CDSN: variants seen among roughly 807,000 people sequenced by gnomAD.
The protein encoded by CDSN is S protein.
Under a neutral mutation model 25.6 loss-of-function variants are expected in CDSN, and 11 were observed. That is an observed-to-expected ratio of 0.43 (90% CI 0.27 to 0.71). CDSN has a LOEUF of 0.71. CDSN is among the 30% of genes least tolerant of loss of function. The pLI, the probability that CDSN is intolerant of heterozygous loss-of-function variation, is 0.20. For missense variants in CDSN, 598 were observed against 670.9 expected (o/e 0.89, Z 1.20); for synonymous variants, 266 against 267.4 (o/e 0.99, Z 0.05).
rs201665595 is a variant in CDSN, at chr6:31,118,837, C to CTTTTTTTTTTTTTTTTTTTTTTT, written c.86-1309_86-1308insAAAAAAAAAAAAAAAAAAAAAAA. 5.4e-5 allele frequency: 5 copies of CTTTTTTTTTTTTTTTTTTTTTTT among 92,454 alleles called. 1 individual carries two copies. The highest frequency in any genetic ancestry group is 9.1e-5 in the African/African-American group (2 of 22,024). 5.7% of individuals were successfully genotyped at this position (92,454 alleles called of 1,614,324 possible). On this transcript the variant is annotated intron_variant, in intron 1 of 1. Transcript: ENST00000376288. ...ATCATCCACCTGGAAGTTTTTTCTT[C>CTTTTTTTTTTTTTTTTTTTTTTT]TTCTTCTTTTTTTTTTTTTTTTTTG...
In CDSN at chr6:31,116,542, G is replaced by A; in HGVS notation, c.1073C>T (p.Pro358Leu). The A allele has an allele frequency of 3.1e-6, 5 of 1,613,910 alleles. No homozygotes were observed. The highest frequency in any genetic ancestry group is 4.2e-6 in the Non-Finnish European group (5 of 1,179,964). Residue 358 changes from proline (P) to leucine (L), a missense_variant, in exon 2 of 2, where the codon CCC becomes CTC. Physicochemically the swap from Pro to Leu is moderately conservative, Grantham distance 98. Transcript: ENST00000376288. ...GKYFSSNPII[P>L]SQSAASSAIA... ...GGCCGAGGAAGCTGCCGACTGGCTG[G>A]GGATGATGGGGTTGCTGGAGAAGTA...
chr6:31,116,497 C>T lies in CDSN; in HGVS notation c.1118G>A (p.Gly373Glu). The T allele has an allele frequency of 1.6e-5, 25 of 1,609,884 alleles. No individual in the cohort carries two copies. Among genetic ancestry groups the T allele is most frequent in the Non-Finnish European group, 2.1e-5 (25 of 1,178,050 alleles). ...ASSAIAFQPV[G>E]TGGVQLCGGG... ...TCCACAGAGCTGGACCCCACCAGTC[C>T]CCACTGGCTGGAATGCAATGGCCGA... The change falls in exon 2 of 2, where the codon GGG becomes GAG. Residue 373 changes from glycine to glutamate, a missense_variant. Transcript: ENST00000376288.
rs144778683 is a variant in CDSN, at chr6:31,115,872, C to G, written c.*153G>C. ...GGAAGGGGTGATAAGAGAGAGTCTG[C>G]AACCTTGGGGTAGTGGAGAAAGCAG... On this transcript the variant is annotated 3_prime_UTR_variant, in exon 2 of 2. Coordinates refer to ENST00000376288, the MANE Select transcript of CDSN (RefSeq NM_001264.5). The surrounding 1 kb of genome is among the most constrained non-coding windows in gnomAD (Gnocchi z 4.2). The G allele has an allele frequency of 4.6e-4, 303 of 656,148 alleles. 3 individuals carry two copies. The highest frequency in any genetic ancestry group is 4.3e-3 in the African/African-American group (236 of 55,348). The allele number at this position is 656,148 out of a possible 1,614,324, so 40.6% of individuals were successfully genotyped here. A position where few individuals can be genotyped will look rare whatever the true frequency, so the allele number is the denominator to read the frequency against.
rs377342864 is a variant in CDSN, at chr6:31,115,978, T to A, written c.*47A>T. 2.0e-6 allele frequency: 3 copies of A among 1,521,688 alleles called. No individual in the cohort carries two copies. Among genetic ancestry groups the A allele is most frequent in the Non-Finnish European group, 9.1e-7 (1 of 1,099,704 alleles). 94.3% of individuals were successfully genotyped at this position (1,521,688 alleles called of 1,614,324 possible). A position where few individuals can be genotyped will look rare whatever the true frequency, so the allele number is the denominator to read the frequency against. On this transcript the variant is annotated 3_prime_UTR_variant, in exon 2 of 2. Transcript: ENST00000376288. The surrounding 1 kb of genome is among the most constrained non-coding windows in gnomAD (Gnocchi z 4.2). ...CTTCTCCCATATGGGATATAGTGTA[T>A]GTGCTTGTTTGTGCCCAAGGCATGC...
chr6:31,116,952 G>A lies in CDSN; in HGVS notation c.663C>T (p.Asp221=). The A allele has an allele frequency of 1.2e-6, 2 of 1,614,232 alleles. No homozygotes were observed. The highest frequency in any genetic ancestry group is 2.2e-5 in the East Asian group (1 of 44,886). Residue 221 remains aspartate, a synonymous_variant, in exon 2 of 2, where the codon GAC becomes GAT. Coordinates refer to ENST00000376288, the MANE Select transcript of CDSN (RefSeq NM_001264.5). ...CTCCACTGCAGGGAGAGTCGGGGAT[G>A]TCCGAACTACAGGGACGCTGGTTGG... The part of the protein sequence containing the change: ...VSSNQRPCSS[D]IPDSPCSGGP...
In CDSN at chr6:31,117,227, C is replaced by A. The variant is rs199588644; in HGVS notation, c.388G>T (p.Gly130Cys). 3.1e-6 allele frequency: 5 copies of A among 1,613,468 alleles called. No homozygotes were observed. The highest frequency in any genetic ancestry group is 1.7e-5 in the Admixed American group (1 of 59,988). The change falls in exon 2 of 2, where the codon GGT (glycine) becomes TGT (cysteine). Residue 130 changes from glycine (G) to cysteine (C), a missense_variant. Gly to Cys is a radical substitution (Grantham distance 159). Transcript: ENST00000376288. The stretch of plus-strand genomic sequence containing the variant: ...CTGCTGCTCCCCAGCTGGGAGGAAC[C>A]GGATGCACCTTGTAGACTAGAGCCA... Reference protein sequence around the residue: ...GSGSSLQGASGSSQLGSSSSH... With the variant: ...GSGSSLQGASCSSQLGSSSSH...
chr6:31,117,929 T>G, intron 1 of CDSN: 1 of 187,740 alleles, frequency 5.3e-6, no homozygotes, highest in Non-Finnish European at 1.1e-5. Flanking sequence ...ACCCCGTCTG[T>G]ATTTTGTTTT....
chr6:31,116,603 A>G lies in CDSN; in HGVS notation c.1012T>C (p.Ser338Pro). ...NPVKGSPGVP[S>P]FAAGPPISEG... ...GAGATGGGGGGCCCAGCTGCAAAGG[A>G]AGGGACCCCTGGAGAGCCTTTCACA... The change falls in exon 2 of 2, where the codon TCC becomes CCC. Residue 338 changes from serine to proline, a missense_variant. Ser to Pro is a moderately conservative substitution (Grantham distance 74). Transcript: ENST00000376288. 6.2e-7 allele frequency: 1 copy of G among 1,613,494 alleles called. No homozygotes were observed. The highest frequency in any genetic ancestry group is 2.2e-5 in the East Asian group (1 of 44,864).
rs117764398 is a variant in CDSN, at chr6:31,116,946, G to C, written c.669C>G (p.Pro223=). 1.9e-6 allele frequency: 3 copies of C among 1,614,170 alleles called. No homozygotes were observed. Among genetic ancestry groups the C allele is most frequent in the Non-Finnish European group, 2.5e-6 (3 of 1,180,026 alleles). The change falls in exon 2 of 2, where the codon CCC becomes CCG. Residue 223 remains proline (P), a synonymous_variant. Transcript: ENST00000376288. ...SNQRPCSSDI[P]DSPCSGGPIV... is the part of the protein sequence containing the mutation. ...TGGGCCCTCCACTGCAGGGAGAGTC[G>C]GGGATGTCCGAACTACAGGGACGCT...
At position 31,116,981 on chromosome 6, in the gene CDSN, T is replaced by C; in HGVS notation, c.634A>G (p.Ser212Gly). 1 of 1,614,188 alleles carries C rather than the reference T, an allele frequency of 6.2e-7. No homozygotes were observed. The highest frequency in any genetic ancestry group is 1.1e-5 in the South Asian group (1 of 91,088). The change falls in exon 2 of 2, where the codon AGC becomes GGC. Residue 212 changes from serine to glycine, a missense_variant. Ser to Gly is a moderately conservative substitution (Grantham distance 56). Transcript: ENST00000376288. ...GAACTACAGGGACGCTGGTTGGAGCTGACGCTTTGGCCACTGCTGGATACC... is the reference window on the plus strand; with the variant it reads ...GAACTACAGGGACGCTGGTTGGAGCCGACGCTTTGGCCACTGCTGGATACC... ...FGVSSSGQSV[S>G]SNQRPCSSDI...
chr6:31,120,356 G>T lies in CDSN; in HGVS notation c.64C>A (p.Leu22Met). The T allele has an allele frequency of 6.3e-7, 1 of 1,591,344 alleles. No homozygotes were observed. Among genetic ancestry groups the T allele is most frequent in the Non-Finnish European group, 8.5e-7 (1 of 1,169,712 alleles). Residue 22 changes from leucine (L) to methionine (M), a missense_variant, in exon 1 of 2, where the codon CTG becomes ATG. By Grantham distance (15) the Leu-to-Met change is conservative. Coordinates refer to ENST00000376288, the MANE Select transcript of CDSN (RefSeq NM_001264.5). ...CTACCTGGCAGGAGGAGACCAGCCAGCAGCAGTGCCATCATCCCGTGCCCA... is the reference window on the plus strand; with the variant it reads ...CTACCTGGCAGGAGGAGACCAGCCATCAGCAGTGCCATCATCCCGTGCCCA... ...VGGHGMMALL[L>M]AGLLLPGTLA...
chr6:31,115,948 C>T lies in CDSN; in HGVS notation c.*77G>A, dbSNP rs1772083944. On this transcript the variant is annotated 3_prime_UTR_variant, in exon 2 of 2. Transcript: ENST00000376288. This position sits in a 1 kb window ranked among gnomAD's most constrained non-coding sequence, Gnocchi z 4.2. ...ACTGAGCTAACCCTATGCCTGGGCA[C>T]TGGACTTCTCCCATATGGGATATAG... 1 of 1,333,570 alleles carries T rather than the reference C, an allele frequency of 7.5e-7. No individual in the cohort carries two copies. Among genetic ancestry groups the T allele is most frequent in the Non-Finnish European group, 1.1e-6 (1 of 931,160 alleles). The allele number at this position is 1,333,570 out of a possible 1,614,324, so 82.6% of individuals were successfully genotyped here.
At position 31,117,478 on chromosome 6, in the gene CDSN, G is replaced by T. The variant is rs1280456389; in HGVS notation, c.137C>A (p.Thr46Lys). 6 of 1,553,006 alleles carry T rather than the reference G, an allele frequency of 3.9e-6. No homozygotes were observed. The East Asian group carries it at 1.5e-4, about 38-fold the overall frequency. ...GTFSDPCKDP[T>K]RITSPNDPCL... ...GGGGTCGTTAGGGGAGGTGATACGC[G>T]TGGGGTCCTTACAAGGGTCTGAGAA... Residue 46 changes from threonine (T) to lysine (K), a missense_variant, in exon 2 of 2, where the codon ACG becomes AAG. By Grantham distance (78) the Thr-to-Lys change is moderately conservative. Coordinates refer to ENST00000376288, the MANE Select transcript of CDSN (RefSeq NM_001264.5).
rs1772110784 is a variant in CDSN at position 31,116,283 on chromosome 6, G to A, written c.1332C>T (p.Ile444=). The A allele has an allele frequency of 6.2e-7, 1 of 1,614,158 alleles. No individual in the cohort carries two copies. Among genetic ancestry groups the A allele is most frequent in the Non-Finnish European group, 8.5e-7 (1 of 1,180,020 alleles). ...SSSSQSSGKI[I]LQPCGSKSSS... Reference sequence around the variant, plus strand: ...TGGACTTGCTGCCACAAGGCTGAAGGATGATTTTGCCACTGGATTGGGAAC... The same window carrying A: ...TGGACTTGCTGCCACAAGGCTGAAGAATGATTTTGCCACTGGATTGGGAAC... Residue 444 remains isoleucine (I), a synonymous_variant, in exon 2 of 2, where the codon ATC becomes ATT. Transcript: ENST00000376288.
In CDSN at chr6:31,117,186, G is replaced by C; in HGVS notation, c.429C>G (p.Asn143Lys). ...TGCTGCTTCCCGAGTGAGAGCCGCT[G>C]TTTCCCGAGTGAGAGCTGCTGCTCC... Reference protein sequence around the residue: ...QLGSSSSHSGNSGSHSGSSSS... With the variant: ...QLGSSSSHSGKSGSHSGSSSS... Residue 143 changes from asparagine (N) to lysine (K), a missense_variant, in exon 2 of 2, where the codon AAC (asparagine) becomes AAG (lysine). By Grantham distance (94) the Asn-to-Lys change is moderately conservative. Transcript: ENST00000376288. The C allele has an allele frequency of 6.2e-7, 1 of 1,611,866 alleles. No homozygotes were observed. Among genetic ancestry groups the C allele is most frequent in the Non-Finnish European group, 8.5e-7 (1 of 1,178,254 alleles).
Position 31,116,544 on chromosome 6 carries a change from G to A in CDSN, c.1071C>T (p.Ile357=), listed in dbSNP as rs542303595. The A allele has an allele frequency of 3.1e-6, 5 of 1,613,954 alleles. No homozygotes were observed. The African/African-American group carries it at 5.3e-5, about 17-fold the overall frequency. Residue 357 remains isoleucine (I), a synonymous_variant, in exon 2 of 2, where the codon ATC becomes ATT. Coordinates refer to ENST00000376288, the MANE Select transcript of CDSN (RefSeq NM_001264.5). The part of the protein sequence containing the change: ...EGKYFSSNPI[I]PSQSAASSAI... ...CCGAGGAAGCTGCCGACTGGCTGGG[G>A]ATGATGGGGTTGCTGGAGAAGTATT...
Position 31,116,384 on chromosome 6 carries a change from G to T in CDSN, c.1231C>A (p.Pro411Thr), listed in dbSNP as rs1302615377. ...SSSISSSSGLPYHPCGSASQS... is the reference protein window; with the variant it reads ...SSSISSSSGLTYHPCGSASQS... ...GAAGCACTGCCGCAGGGATGGTAGG[G>T]TAAACCGGAGCTGCTGGAAATGCTA... Residue 411 changes from proline (P) to threonine (T), a missense_variant, in exon 2 of 2, where the codon CCC becomes ACC. Physicochemically the swap from Pro to Thr is conservative, Grantham distance 38. Coordinates refer to ENST00000376288, the MANE Select transcript of CDSN (RefSeq NM_001264.5). The T allele has an allele frequency of 1.9e-6, 3 of 1,605,946 alleles. No homozygotes were observed. The highest frequency in any genetic ancestry group is 1.7e-6 in the Non-Finnish European group (2 of 1,176,184).
rs778356067 is a variant in CDSN at position 31,116,698 on chromosome 6, T to C, written c.917A>G (p.Tyr306Cys). Residue 306 changes from tyrosine (Y) to cysteine (C), a missense_variant, in exon 2 of 2, where the codon TAT (tyrosine) becomes TGT (cysteine). By Grantham distance (194) the Tyr-to-Cys change is radical. Transcript: ENST00000376288. ...ACTGTAGGTCATGCCTGGAACCAGATAACTGTCAGAGGAGCCACCCACCAC... is the reference window on the plus strand; with the variant it reads ...ACTGTAGGTCATGCCTGGAACCAGACAACTGTCAGAGGAGCCACCCACCAC... ...YEVVGGSSDS[Y>C]LVPGMTYSKG... 1 of 1,612,610 alleles carries C rather than the reference T, an allele frequency of 6.2e-7. No homozygotes were observed. The highest frequency in any genetic ancestry group is 1.3e-5 in the African/African-American group (1 of 74,914).
In CDSN at chr6:31,117,285, C is replaced by T. The variant is rs763109241; in HGVS notation, c.330G>A (p.Thr110=). 3.1e-6 allele frequency: 5 copies of T among 1,598,950 alleles called. No homozygotes were observed. The highest frequency in any genetic ancestry group is 4.3e-6 in the Non-Finnish European group (5 of 1,171,922). Residue 110 remains threonine, a synonymous_variant, in exon 2 of 2, where the codon ACG becomes ACA. Coordinates refer to ENST00000376288, the MANE Select transcript of CDSN (RefSeq NM_001264.5). ...AGGAGTAGCTGACCTGGGAATACCC[C>T]GTTCCTGGCTTAAAAGATCCTGCAG... ...GGSAGSFKPG[T]GYSQVSYSSG...
Sources: allele counts gnomAD v4.1 joint callset, GRCh38; gene constraint gnomAD v4.1.1; non-coding constraint Gnocchi (gnomAD v3.1); transcripts MANE v1.5; gene names NCBI Gene and HGNC (gene_info 2026-07-23, HGNC 2026-07-21).